SOX5: variants seen among roughly 807,000 people sequenced by gnomAD.
The protein encoded by SOX5 is SRY-box transcription factor 5.
Under a neutral mutation model 92.0 loss-of-function variants are expected in SOX5, and 9 were observed. The observed-to-expected ratio is 0.10, with a 90% CI of 0.06 to 0.17. The LOEUF is 0.17. SOX5 is among the 10% of genes least tolerant of loss of function. The pLI is 1.00. For synonymous variants in SOX5, 344 were observed against 336.3 expected, an observed-to-expected ratio of 1.02 and a Z score of -0.25; for missense variants, 642 against 944.5, an observed-to-expected ratio of 0.68 and a Z score of 4.20.
chr12:24,320,005 T>C (rs954334696), intron 2 of SOX5, among the ~76,000 whole-genome samples: 6 of 152,224 alleles, frequency 3.9e-5, no homozygotes, highest in Admixed American at 3.9e-4. Context: ...ACTGTGGATG[T>C]TTGTTTATAT....
At chr12:24,442,010 C>T (rs1026923845) in intron 1 of SOX5, among the ~76,000 whole-genome samples, 2 of 152,064 alleles carry the variant, frequency 1.3e-5, no homozygotes, top group Non-Finnish European at 2.9e-5. Context: ...ACAGTAAACA[C>T]GTAAGTCTAA....
intron 9 of SOX5, chr12:23,604,097 C>A: frequency 3.6e-6 from 1 of 280,996 alleles, no homozygotes; most frequent in Non-Finnish European, 6.9e-6. Flanking sequence ...TAAATATCTA[C>A]ATAATCAGAC....
rs759370296 is a variant in SOX5, at chr12:23,529,784, CTTA to C, written c.*4432_*4434del. On this transcript the variant is annotated 3_prime_UTR_variant, in exon 15 of 15. Transcript: ENST00000451604. Reference sequence around the variant, plus strand: ...ACTCTATGTTATATTTACATAATTACTTATTATTTTATTAAATTTCAAGTGAGA... The same window carrying C: ...ACTCTATGTTATATTTACATAATTACTTATTTTATTAAATTTCAAGTGAGA... 7.9e-5 allele frequency: 12 copies of C among 152,142 alleles called. No homozygotes were observed. The highest frequency in any genetic ancestry group is 1.4e-4 in the African/African-American group (6 of 41,522). The allele number at this position is 152,142 out of a possible 1,614,324, so 9.4% of individuals were successfully genotyped here.
chr12:24,493,012 A>C (rs1947247447), intron 1 of SOX5, among the ~76,000 whole-genome samples: 1 of 152,186 alleles, frequency 6.6e-6, no homozygotes, highest in Non-Finnish European at 1.5e-5. Context: ...CCCAGTACTC[A>C]AGCCCTTTAT....
At chr12:24,251,995 G>A (rs529318825) in intron 3 of SOX5, among the ~76,000 whole-genome samples, 6 of 148,920 alleles carry the variant, frequency 4.0e-5, no homozygotes, top group South Asian at 2.1e-4. Flanking sequence ...GCAGATTTTC[G>A]TTAAATTTGC....
Position 24,319,515 on chromosome 12 carries a change from A to C in SOX5, c.-173-42203T>G, listed in dbSNP as rs766929966. Among the ~76,000 whole-genome samples the C allele has an allele frequency of 3.9e-5, 6 of 152,264 alleles. No individual in the cohort carries two copies. In the East Asian group the frequency reaches 1.2e-3, roughly 29 times the overall value. ...ATTGATACTACCCCCTAACTATCTT[A>C]AAAGTCATCCTTCTTTCTGTATTCT... is the stretch of plus-strand genomic sequence containing the variant. On this transcript the variant is annotated intron_variant, in intron 2 of 4. Transcript: ENST00000446891.
At chr12:23,597,305 C>T (rs1226560802) in intron 9 of SOX5, among the ~76,000 whole-genome samples, 1 of 152,160 alleles carries the variant, frequency 6.6e-6, no homozygotes, top group African/African-American at 2.4e-5. Flanking sequence ...CAACTAGCCT[C>T]TTTTATAATT....
chr12:24,299,050 T>G (rs1947651121), intron 2 of SOX5, among the ~76,000 whole-genome samples: 1 of 152,176 alleles, frequency 6.6e-6, no homozygotes, highest in African/African-American at 2.4e-5. Flanking sequence ...TCAAAGATAA[T>G]TCATAGCTAT....
intron 3 of SOX5, among the ~76,000 whole-genome samples, chr12:24,269,205 TAAAGC>T (rs768633833): frequency 6.6e-6 from 1 of 152,182 alleles, no homozygotes; most frequent in Non-Finnish European, 1.5e-5. Flanking sequence ...GATAAATAGT[TAAAGC>T]AAAGAGCTTG....
At chr12:23,722,240 A>G (rs1195363588) in intron 6 of SOX5, among the ~76,000 whole-genome samples, 1 of 152,248 alleles carries the variant, frequency 6.6e-6, no homozygotes, top group Non-Finnish European at 1.5e-5. Context: ...TGTTTAAAAT[A>G]GAAAGAAGAA....
At chr12:24,443,041 T>C (rs1940899543) in intron 1 of SOX5, among the ~76,000 whole-genome samples, 1 of 139,744 alleles carries the variant, frequency 7.2e-6, no homozygotes, top group Non-Finnish European at 1.5e-5. Context: ...CACCTCCGCC[T>C]CCTGGATTCA....
At chr12:23,633,582 G>A (rs1362448376) in intron 8 of SOX5, among the ~76,000 whole-genome samples, 4 of 151,832 alleles carry the variant, frequency 2.6e-5, no homozygotes, top group Non-Finnish European at 5.9e-5. Context: ...TTGGCTCTTG[G>A]AGGTAAAAAA....
intron 6 of SOX5, among the ~76,000 whole-genome samples, chr12:23,731,680 T>G (rs2093399160): frequency 6.6e-6 from 1 of 152,162 alleles, no homozygotes; most frequent in African/African-American, 2.4e-5. Flanking sequence ...CTCTAACTCT[T>G]ATCAATCGAA....
At chr12:24,234,252 T>C (rs1388639802) in intron 3 of SOX5, among the ~76,000 whole-genome samples, 1 of 152,210 alleles carries the variant, frequency 6.6e-6, no homozygotes, top group Non-Finnish European at 1.5e-5. Flanking sequence ...GTCACAAGAA[T>C]CTAAAGGATT....
intron 2 of SOX5, among the ~76,000 whole-genome samples, chr12:24,305,901 A>G (rs1948511224): frequency 6.6e-6 from 1 of 152,170 alleles, no homozygotes; most frequent in South Asian, 2.1e-4. Context: ...CCAGCCGATG[A>G]AAGATATTTT....
chr12:24,142,541 C>T (rs1281185792), intron 4 of SOX5, among the ~76,000 whole-genome samples: 1 of 152,028 alleles, frequency 6.6e-6, no homozygotes, highest in Non-Finnish European at 1.5e-5. Flanking sequence ...ACGTAAAGCA[C>T]AAACTATTGG....
intron 2 of SOX5, among the ~76,000 whole-genome samples, chr12:24,281,046 CT>C (rs1166100432): frequency 3.4e-4 from 50 of 148,866 alleles, no homozygotes; most frequent in African/African-American, 1.1e-3. Context: ...AAGGAAAGAA[CT>C]TTTCTCCTAG....
At chr12:24,188,067 T>A (rs1956187425) in intron 4 of SOX5, among the ~76,000 whole-genome samples, 1 of 152,162 alleles carries the variant, frequency 6.6e-6, no homozygotes, top group Admixed American at 6.5e-5. Flanking sequence ...TGCAACTCAA[T>A]GGGAAGTTTT....
At chr12:24,080,801 A>G (rs2137596703) in intron 4 of SOX5, among the ~76,000 whole-genome samples, 1 of 152,106 alleles carries the variant, frequency 6.6e-6, no homozygotes, top group South Asian at 2.1e-4. Context: ...AGCAAAGCTG[A>G]ATTTTTAAAA....
Sources: allele counts gnomAD v4.1 joint callset (sites outside exome capture counted in the v4.1 genomes callset), GRCh38; gene constraint gnomAD v4.1.1; transcripts MANE v1.5; gene names NCBI Gene and HGNC (gene_info 2026-07-23, HGNC 2026-07-21).